The following NRXN1 variants were observed in gnomAD, a reference collection of about 807,000 sequenced individuals.
The protein encoded by NRXN1 is neurexin-1.
A neutral mutation model predicts 150.9 loss-of-function variants in NRXN1; 39 were observed. That is an observed-to-expected ratio of 0.26 (90% confidence interval 0.20 to 0.34). The LOEUF is 0.34. Ranked by LOEUF, NRXN1 falls within the 10% of genes least tolerant of loss-of-function variation. The pLI is 1.00. For synonymous variants in NRXN1, 924 were observed against 757.0 expected (o/e 1.22, Z -3.62); for missense variants, 1,815 against 1,949.9 (o/e 0.93, Z 1.30).
At chr2:50,314,930 T>C (rs1005165124) in intron 17 of NRXN1, among the ~76,000 whole-genome samples, 2 of 152,076 alleles carry the variant, frequency 1.3e-5, no homozygotes, top group Non-Finnish European at 2.9e-5. Context: ...CTCAACATCT[T>C]TTCCCAACTT....
intron 18 of NRXN1, among the ~76,000 whole-genome samples, chr2:50,185,821 T>C (rs1157916776): frequency 6.6e-6 from 1 of 152,132 alleles, no homozygotes. Flanking sequence ...ATTATACTAC[T>C]ATGACTGCAC....
intron 15 of NRXN1, among the ~76,000 whole-genome samples, chr2:50,490,123 T>A (rs1440097803): frequency 2.0e-5 from 3 of 152,210 alleles, no homozygotes; most frequent in African/African-American, 7.2e-5. Flanking sequence ...CAAGTCTTAT[T>A]TCTACATACT....
chr2:50,375,908 C>A (rs1227711670), intron 17 of NRXN1, among the ~76,000 whole-genome samples: 3 of 151,684 alleles, frequency 2.0e-5, no homozygotes, highest in Admixed American at 6.6e-5. Flanking sequence ...TAAATACAAC[C>A]CCTTCACAGA....
intron 17 of NRXN1, among the ~76,000 whole-genome samples, chr2:50,457,266 T>C (rs758815471): frequency 6.6e-6 from 1 of 151,980 alleles, no homozygotes; most frequent in African/African-American, 2.4e-5. Flanking sequence ...GAATTAAGAG[T>C]GAGAAAAGCA....
intron 21 of NRXN1, among the ~76,000 whole-genome samples, chr2:50,010,079 GA>G (rs1449414095): frequency 6.6e-6 from 1 of 151,066 alleles, no homozygotes; most frequent in Non-Finnish European, 1.5e-5. Context: ...CTTCTGTCTT[GA>G]AAAAACAAAC....
At chr2:50,343,386 C>T (rs557387233) in intron 17 of NRXN1, among the ~76,000 whole-genome samples, 13 of 152,102 alleles carry the variant, frequency 8.5e-5, no homozygotes, top group Admixed American at 1.3e-4. Context: ...CTCTTGTTGG[C>T]GTTAAGTAGC....
intron 8 of NRXN1, chr2:50,616,574 A>C (rs1396035374): frequency 6.6e-6 from 1 of 152,158 alleles, no homozygotes; most frequent in Non-Finnish European, 1.5e-5. Flanking sequence ...AATGAAATAG[A>C]ATCGGCCATT....
chr2:50,183,180 G>A (rs145247389), intron 18 of NRXN1, among the ~76,000 whole-genome samples: 1 of 152,136 alleles, frequency 6.6e-6, no homozygotes, highest in African/African-American at 2.4e-5. Context: ...AGGAAATAAA[G>A]CTATCATTTA....
chr2:50,225,924 C>G (rs1453990627), intron 18 of NRXN1, among the ~76,000 whole-genome samples: 1 of 151,942 alleles, frequency 6.6e-6, no homozygotes, highest in Non-Finnish European at 1.5e-5. Flanking sequence ...ATCTGAAATG[C>G]TCCATAATTT....
In NRXN1 at chr2:50,495,035, A is replaced by C. The variant is rs575677259; in HGVS notation, c.3070+870T>G. 2.6e-5 allele frequency among the ~76,000 whole-genome samples: 4 copies of C among 151,236 alleles called. No individual in the cohort carries two copies. In the South Asian group the frequency reaches 8.3e-4, roughly 31 times the overall value. On this transcript the variant is annotated intron_variant, in intron 15 of 22. Transcript: ENST00000401669. ...GACGGAGCAAGACTCTGTCTCCAAAAAAAAAAAAAAAAAGAGAGTTAAATT... is the reference window on the plus strand; with the variant it reads ...GACGGAGCAAGACTCTGTCTCCAAACAAAAAAAAAAAAAGAGAGTTAAATT...
intron 8 of NRXN1, among the ~76,000 whole-genome samples, chr2:50,603,700 C>T (rs903353359): frequency 2.0e-5 from 3 of 152,088 alleles, no homozygotes; most frequent in Non-Finnish European, 4.4e-5. Flanking sequence ...TCTGTGTTTG[C>T]AACCACAGAA....
At chr2:50,737,551 G>A (rs963834219) in intron 5 of NRXN1, among the ~76,000 whole-genome samples, 4 of 152,138 alleles carry the variant, frequency 2.6e-5, no homozygotes, top group Non-Finnish European at 2.9e-5. Flanking sequence ...TTCAAAGTCC[G>A]TGACCTCTAT....
intron 5 of NRXN1, among the ~76,000 whole-genome samples, chr2:50,906,552 C>A (rs1683698154): frequency 6.6e-6 from 1 of 152,058 alleles, no homozygotes; most frequent in African/African-American, 2.4e-5. Context: ...GTTTTCTTAT[C>A]TTTGGTTCTG....
chr2:50,329,279 C>A (rs77157966), intron 17 of NRXN1, among the ~76,000 whole-genome samples: 3,061 of 151,924 alleles, frequency 0.02, 42 homozygotes, highest in African/African-American at 0.037. Context: ...TGGTGAAATA[C>A]AATTGGCAAA....
chr2:50,881,246 T>G (rs1574812204), intron 5 of NRXN1, among the ~76,000 whole-genome samples: 1 of 151,940 alleles, frequency 6.6e-6, no homozygotes, highest in Admixed American at 6.6e-5. Flanking sequence ...AAGCTTCATC[T>G]TCCTGTTTTC....
chr2:50,373,668 AAGAAAGAAAG>A (rs2080243161), intron 17 of NRXN1, among the ~76,000 whole-genome samples: 1 of 110,520 alleles, frequency 9.0e-6, no homozygotes, highest in Non-Finnish European at 1.8e-5. Context: ...GAAAGAAAGA[AAGAAAGAAAG>A]AAAAGAAAGA....
intron 5 of NRXN1, among the ~76,000 whole-genome samples, chr2:50,681,185 GCC>G (rs1559116514): frequency 6.6e-6 from 1 of 152,120 alleles, no homozygotes; most frequent in African/African-American, 2.4e-5. Flanking sequence ...TACACTATTG[GCC>G]CCACCTTAGG....
intron 18 of NRXN1, among the ~76,000 whole-genome samples, chr2:50,204,059 A>C (rs2062386462): frequency 6.6e-6 from 1 of 152,148 alleles, no homozygotes; most frequent in Non-Finnish European, 1.5e-5. Context: ...AAAGATCACT[A>C]AAATGAACCT....
chr2:50,761,198 G>A (rs1308532273), intron 5 of NRXN1, among the ~76,000 whole-genome samples: 4 of 151,846 alleles, frequency 2.6e-5, no homozygotes, highest in Non-Finnish European at 5.9e-5. Flanking sequence ...TTTTTTTAGA[G>A]ACTGGGTCTT....
Sources: allele counts gnomAD v4.1 joint callset (sites outside exome capture counted in the v4.1 genomes callset), GRCh38; gene constraint gnomAD v4.1.1; transcripts MANE v1.5; gene names NCBI Gene and HGNC (gene_info 2026-07-23, HGNC 2026-07-21).